The following LRRC53 variants were observed in gnomAD, a reference collection of about 807,000 sequenced individuals.
LRRC53 encodes the protein leucine-rich repeat-containing protein 53.
LRRC53 carries 25 observed loss-of-function variants against 13.6 expected under a neutral mutation model. The observed-to-expected ratio is 1.83, with a 90% CI of 1.34 to 2.56. The LOEUF is 2.56. Ranked by LOEUF, LRRC53 falls within the 30% of genes most tolerant of loss-of-function variation. LRRC53 has a pLI of 0.00. For missense variants in LRRC53, 527 were observed against 275.8 expected, an observed-to-expected ratio of 1.91 and a Z score of -6.45; for synonymous variants, 204 against 109.8, an observed-to-expected ratio of 1.86 and a Z score of -5.37.
Position 74,512,151 on chromosome 1 carries a change from G to A in LRRC53, c.-27+375C>T, listed in dbSNP as rs531383011. On this transcript the variant is annotated intron_variant, in intron 1 of 4. Transcript: ENST00000294635. ...ACCAGTCTTTATTGAAATAGCCCTG[G>A]GGCATGACTCGAACCTGTGAGGGAC... is the stretch of plus-strand genomic sequence containing the variant. Among the ~76,000 whole-genome samples the A allele has an allele frequency of 9.2e-5, 14 of 152,288 alleles. No homozygotes were observed. The South Asian group carries it at 1.9e-3, about 20-fold the overall frequency.
chr1:74,474,169 G>T (rs1668071066), intron 4 of LRRC53, among the ~76,000 whole-genome samples: 4 of 152,236 alleles, frequency 2.6e-5, no homozygotes, highest in South Asian at 2.1e-4. Flanking sequence ...AGTTATAGGA[G>T]TTTCCCACAG....
intron 1 of LRRC53, among the ~76,000 whole-genome samples, chr1:74,507,683 T>C (rs1669976318): frequency 6.6e-6 from 1 of 152,212 alleles, no homozygotes; most frequent in African/African-American, 2.4e-5. Flanking sequence ...AACATGGAGA[T>C]GCACAGTTCT....
At chr1:74,531,538 T>A in the LRRC53 span, among the ~76,000 whole-genome samples, 4 of 152,134 alleles carry the variant, frequency 2.6e-5, no homozygotes, top group African/African-American at 9.7e-5. Flanking sequence ...GTCTGACAGA[T>A]CTGTTTTAAA....
At chr1:74,494,662 G>A (rs1669240241) in intron 1 of LRRC53, among the ~76,000 whole-genome samples, 1 of 152,206 alleles carries the variant, frequency 6.6e-6, no homozygotes, top group Admixed American at 6.5e-5. Flanking sequence ...TGAGACAGAG[G>A]TTAAGAGGAT....
At position 74,472,036 on chromosome 1, in the gene LRRC53, G is replaced by C. The variant is rs746669235; in HGVS notation, c.1586C>G (p.Ser529Ter). 7.5e-5 allele frequency: 53 copies of C among 708,710 alleles called. No individual in the cohort carries two copies. Among genetic ancestry groups the C allele is most frequent in the Non-Finnish European group, 1.0e-5 (4 of 381,560 alleles). The allele number at this position is 708,710 out of a possible 1,614,324, so 43.9% of individuals were successfully genotyped here. Residue 529 changes from serine (S) to a stop codon, truncating the protein, a stop_gained, in exon 5 of 5, where the codon TCA (serine) becomes TGA (stop). Coordinates refer to ENST00000294635, the MANE Select transcript of LRRC53 (RefSeq NM_001382280.1). LOFTEE classifies it low-confidence loss of function (END_TRUNC). ...HRQRHFITSS[S>*]SKPCEPEEHY... is the part of the protein sequence containing the mutation. ...TTCCTCAGGCTCACAAGGCTTGGAT[G>C]ATGAGCTTGTAATAAAATGTCTTTG...
chr1:74,488,309 G>A (rs1189250713), intron 1 of LRRC53, among the ~76,000 whole-genome samples: 1 of 152,218 alleles, frequency 6.6e-6, no homozygotes, highest in East Asian at 1.9e-4. Flanking sequence ...AGGAGTATGT[G>A]AGAGGAAACA....
chr1:74,525,456 ACCCTGAGT>A, the LRRC53 span, among the ~76,000 whole-genome samples: 29 of 152,298 alleles, frequency 1.9e-4, no homozygotes, highest in East Asian at 5.4e-3. Context: ...TCTGATTCAC[ACCCTGAGT>A]CCCTGACCAC....
intron 1 of LRRC53, among the ~76,000 whole-genome samples, chr1:74,498,077 C>T (rs1437359267): frequency 2.0e-5 from 3 of 152,094 alleles, no homozygotes; most frequent in African/African-American, 7.2e-5. Flanking sequence ...TGAGGTTTCT[C>T]CAATGTTTTG....
chr1:74,492,116 G>A, intron 1 of LRRC53: 1 of 1,607,820 alleles, frequency 6.2e-7, no homozygotes, highest in South Asian at 1.1e-5. Context: ...CCTGCATCAA[G>A]TAACAGCAGT....
chr1:74,532,246 A>G, the LRRC53 span, among the ~76,000 whole-genome samples: 28 of 152,182 alleles, frequency 1.8e-4, no homozygotes, highest in Non-Finnish European at 2.5e-4. Context: ...TTGTTGGATA[A>G]AGGAAAGTAT....
intron 4 of LRRC53, among the ~76,000 whole-genome samples, chr1:74,472,561 T>C (rs1667987545): frequency 6.6e-6 from 1 of 152,106 alleles, no homozygotes; most frequent in African/African-American, 2.4e-5. Flanking sequence ...CTGAATTCAT[T>C]TCCCATTTGC....
the LRRC53 span, among the ~76,000 whole-genome samples, chr1:74,531,152 A>G: frequency 6.6e-6 from 1 of 152,144 alleles, no homozygotes. Flanking sequence ...GATGGGTTTG[A>G]TATTCCTGAA....
At chr1:74,479,213 G>T (rs1668355749) in intron 3 of LRRC53, among the ~76,000 whole-genome samples, 1 of 152,028 alleles carries the variant, frequency 6.6e-6, no homozygotes, top group Admixed American at 6.6e-5. Flanking sequence ...ATTTCACCAT[G>T]CACTGAGAGC....
At chr1:74,527,194 G>A in the LRRC53 span, among the ~76,000 whole-genome samples, 3 of 152,216 alleles carry the variant, frequency 2.0e-5, no homozygotes, top group African/African-American at 7.2e-5. Context: ...TGTGTGAAGT[G>A]CCAGGCACAC....
At chr1:74,518,456 G>A in the LRRC53 span, among the ~76,000 whole-genome samples, 1 of 152,082 alleles carries the variant, frequency 6.6e-6, no homozygotes, top group Non-Finnish European at 1.5e-5. Context: ...ACTCTTGGTT[G>A]CTTCTGAGAT....
chr1:74,472,129 T>C lies in LRRC53; in HGVS notation c.1493A>G (p.Lys498Arg). The C allele has an allele frequency of 1.4e-6, 1 of 717,286 alleles. No individual in the cohort carries two copies. Among genetic ancestry groups the C allele is most frequent in the Non-Finnish European group, 2.6e-6 (1 of 384,880 alleles). 44.4% of individuals were successfully genotyped at this position (717,286 alleles called of 1,614,324 possible). A position where few individuals can be genotyped will look rare whatever the true frequency, so the allele number is the denominator to read the frequency against. Residue 498 changes from lysine (K) to arginine (R), a missense_variant, in exon 5 of 5, where the codon AAG becomes AGG. Coordinates refer to ENST00000294635, the MANE Select transcript of LRRC53 (RefSeq NM_001382280.1). Reference sequence around the variant, plus strand: ...CTGCCATGATTCATTTGTTAAACGCTTCTCAAGACTTTCTCCTGCCAAGGC... The same window carrying C: ...CTGCCATGATTCATTTGTTAAACGCCTCTCAAGACTTTCTCCTGCCAAGGC... ...ASALAGESLE[K>R]RLTNESWQPP... is the part of the protein sequence containing the mutation.
the LRRC53 span, among the ~76,000 whole-genome samples, chr1:74,523,451 A>C: frequency 6.6e-6 from 1 of 151,668 alleles, no homozygotes; most frequent in Admixed American, 6.6e-5. Flanking sequence ...CTTTTTTTTA[A>C]TTTTCTTTTG....
chr1:74,527,465 G>A, the LRRC53 span, among the ~76,000 whole-genome samples: 1 of 152,218 alleles, frequency 6.6e-6, no homozygotes, highest in Non-Finnish European at 1.5e-5. Context: ...GCCGTAAGGA[G>A]ACTCTGAGAA....
intron 1 of LRRC53, among the ~76,000 whole-genome samples, chr1:74,485,096 A>G (rs937388753): frequency 5.9e-5 from 9 of 152,222 alleles, no homozygotes; most frequent in African/African-American, 2.2e-4. Flanking sequence ...CATTGTATCA[A>G]AGAACTTTCT....
Sources: allele counts gnomAD v4.1 joint callset (sites outside exome capture counted in the v4.1 genomes callset), GRCh38; gene constraint gnomAD v4.1.1; transcripts MANE v1.5; gene names NCBI Gene and HGNC (gene_info 2026-07-23, HGNC 2026-07-21).